LONP2: variants seen among roughly 807,000 people sequenced by gnomAD.
LONP2 encodes the protein lon protease homolog 2, peroxisomal.
Under a neutral mutation model 85.6 loss-of-function variants are expected in LONP2, and 60 were observed. The observed-to-expected ratio is 0.70, with a 90% CI of 0.57 to 0.87. The LOEUF (loss-of-function observed/expected upper bound fraction) is 0.87. Among genes scored for constraint, LONP2 ranks in the 40% least tolerant of loss-of-function variants. The pLI is 0.00. For synonymous variants in LONP2, 395 were observed against 389.7 expected (o/e 1.01, Z -0.16); for missense variants, 860 against 1,063.5 (o/e 0.81, Z 2.66).
chr16:48,248,796 T>G (rs1971540505), intron 1 of LONP2, among the ~76,000 whole-genome samples: 1 of 151,030 alleles, frequency 6.6e-6, no homozygotes. Flanking sequence ...GGCGGAGGAT[T>G]ACTTGAGCCC....
chr16:48,306,378 A>G lies in LONP2; in HGVS notation c.1795+3073A>G, dbSNP rs1048634354. 9.8e-5 allele frequency among the ~76,000 whole-genome samples: 15 copies of G among 152,338 alleles called. 1 individual carries two copies. Among genetic ancestry groups the G allele is most frequent in the Admixed American group, 4.6e-4 (7 of 15,308 alleles). The stretch of plus-strand genomic sequence containing the variant: ...TACTAGTTATTTTAAAATAACCCAC[A>G]AATACTCAAGGAATTGTTCAGTTTG... On this transcript the variant is annotated intron_variant, in intron 11 of 14. Coordinates refer to ENST00000285737, the MANE Select transcript of LONP2 (RefSeq NM_031490.5).
chr16:48,334,538 T>C, intron 12 of LONP2, 180 bp downstream of exon 12: 1 of 752,942 alleles, frequency 1.3e-6, no homozygotes, highest in Non-Finnish European at 2.3e-6. Context: ...GTTGACTGCA[T>C]GGGGGCGCAG....
chr16:48,270,089 A>G lies in LONP2; in HGVS notation c.1056A>G (p.Arg352=), dbSNP rs1402619069. The change falls in exon 7 of 15, where the codon AGA becomes AGG. Residue 352 remains arginine (R), a synonymous_variant. Transcript: ENST00000285737. ...DHYAMEKLKK[R]VLEYLAVRQL... is the part of the protein sequence containing the mutation. ...ACGCCATGGAAAAATTGAAGAAAAG[A>G]GTACTGGAATACTTGGCTGTCAGAC... 35 of 1,614,084 alleles carry G rather than the reference A, an allele frequency of 2.2e-5. No homozygotes were observed. Among genetic ancestry groups the G allele is most frequent in the Non-Finnish European group, 2.9e-5 (34 of 1,179,968 alleles).
In LONP2 at chr16:48,353,496, CAAAAAAAAAAAA is replaced by C. The variant is rs11331502; in HGVS notation, c.*1704_*1715del. 1.5e-5 allele frequency: 1 copy of C among 67,122 alleles called. No individual in the cohort carries two copies. The highest frequency in any genetic ancestry group is 3.1e-5 in the Non-Finnish European group (1 of 32,580). The allele number at this position is 67,122 out of a possible 1,614,324, so 4.2% of individuals were successfully genotyped here. ...TGGGCGACAGAGTGAGACCCTGTCT[CAAAAAAAAAAAA>C]AAAAAAAAAGATTGGGCCAAAATAC... is the stretch of plus-strand genomic sequence containing the variant. On this transcript the variant is annotated 3_prime_UTR_variant, in exon 15 of 15. Coordinates refer to ENST00000285737, the MANE Select transcript of LONP2 (RefSeq NM_031490.5).
downstream of LONP2, chr16:48,360,782 A>G (rs1960552334): frequency 6.6e-6 from 1 of 152,466 alleles, no homozygotes; most frequent in Non-Finnish European, 1.5e-5. Flanking sequence ...AACCTTTCAA[A>G]GATTAAGCTC....
chr16:48,270,614 ACT>A (rs1162854162), intron 7 of LONP2, among the ~76,000 whole-genome samples: 1 of 152,192 alleles, frequency 6.6e-6, no homozygotes, highest in African/African-American at 2.4e-5. Context: ...ATGATCCCTA[ACT>A]CTCAGAGTTA....
intron 9 of LONP2, among the ~76,000 whole-genome samples, chr16:48,298,511 C>T (rs1045759220): frequency 4.6e-5 from 7 of 151,336 alleles, no homozygotes; most frequent in African/African-American, 1.5e-4. Flanking sequence ...AGGAAAAAAC[C>T]TTTTATATGG....
At chr16:48,284,035 T>TA (rs753130723) in intron 8 of LONP2, among the ~76,000 whole-genome samples, 73 of 152,206 alleles carry the variant, frequency 4.8e-4, no homozygotes, top group Non-Finnish European at 9.4e-4. Context: ...TGGAGGAAGT[T>TA]ACCGCAGTTG....
At chr16:48,341,823 C>T (rs558811808) in intron 12 of LONP2, among the ~76,000 whole-genome samples, 2 of 152,284 alleles carry the variant, frequency 1.3e-5, no homozygotes, top group South Asian at 4.1e-4. Flanking sequence ...CAGGTGTCCC[C>T]AGGAAGCCTA....
At chr16:48,273,138 G>A (rs558424921) in intron 7 of LONP2, among the ~76,000 whole-genome samples, 28 of 152,214 alleles carry the variant, frequency 1.8e-4, no homozygotes, top group East Asian at 1.4e-3. Context: ...CCACTGTTCC[G>A]CAGCCTTAGA....
At chr16:48,263,325 C>T (rs1971917451) in intron 6 of LONP2, among the ~76,000 whole-genome samples, 1 of 152,148 alleles carries the variant, frequency 6.6e-6, no homozygotes, top group Non-Finnish European at 1.5e-5. Context: ...AACTTTGTTC[C>T]CTTTAACCAT....
chr16:48,350,038 G>C (rs1286202474), intron 14 of LONP2, among the ~76,000 whole-genome samples: 2 of 152,148 alleles, frequency 1.3e-5, no homozygotes, highest in Non-Finnish European at 2.9e-5. Context: ...GATAGCTCAA[G>C]TCCAGGAGTT....
Position 48,258,615 on chromosome 16 carries a change from T to C in LONP2, c.601-3T>C. ...TCCTATTGATTGACTCACATTTCCT[T>C]AGATTTTAGATGCTGTGAGCCTAGA... is the stretch of plus-strand genomic sequence containing the variant. On this transcript the variant is annotated splice_region_variant and splice_polypyrimidine_tract_variant and intron_variant, in intron 3 of 14. Coordinates refer to ENST00000285737, the MANE Select transcript of LONP2 (RefSeq NM_031490.5). 6.3e-7 allele frequency: 1 copy of C among 1,589,890 alleles called. No homozygotes were observed. The highest frequency in any genetic ancestry group is 8.5e-7 in the Non-Finnish European group (1 of 1,171,534).
At chr16:48,344,562 A>C (rs1421459137) in intron 12 of LONP2, 1 of 152,136 alleles carries the variant, frequency 6.6e-6, no homozygotes, top group Non-Finnish European at 1.5e-5. Flanking sequence ...AAGTACCAAG[A>C]CTCCAGCAAA....
At chr16:48,321,892 T>C (rs1025729556) in intron 11 of LONP2, among the ~76,000 whole-genome samples, 3 of 152,164 alleles carry the variant, frequency 2.0e-5, no homozygotes, top group Admixed American at 6.5e-5. Context: ...GTGTATATAC[T>C]ACTATAGACT....
chr16:48,262,858 A>C lies in LONP2; in HGVS notation c.968A>C (p.Asn323Thr). ...YLELMVELPWNKSTTDRLDIR... is the reference protein window; with the variant it reads ...YLELMVELPWTKSTTDRLDIR... ...GAACTTATGGTAGAACTTCCTTGGA[A>C]CAAAAGTACAACTGGTAAGCCAAAA... The change falls in exon 6 of 15, where the codon AAC becomes ACC. Residue 323 changes from asparagine (N) to threonine (T), a missense_variant. This residue lies in a region of LONP2 where 743 missense variants were observed against 917.3 expected (regional missense o/e 0.81). Transcript: ENST00000285737. 2 of 1,607,974 alleles carry C rather than the reference A, an allele frequency of 1.2e-6. No individual in the cohort carries two copies. Among genetic ancestry groups the C allele is most frequent in the Non-Finnish European group, 1.7e-6 (2 of 1,175,956 alleles).
intron 9 of LONP2, among the ~76,000 whole-genome samples, chr16:48,296,671 G>C (rs983355910): frequency 6.7e-6 from 1 of 148,404 alleles, no homozygotes; most frequent in African/African-American, 2.5e-5. Flanking sequence ...AGGTTGCAGT[G>C]AGCCTCACGC....
intron 6 of LONP2, among the ~76,000 whole-genome samples, chr16:48,266,024 C>G (rs1326577582): frequency 6.6e-6 from 1 of 151,734 alleles, no homozygotes; most frequent in East Asian, 1.9e-4. Flanking sequence ...ATTTTTTTGA[C>G]AGGAGTTTCA....
chr16:48,278,432 G>T (rs1972260645), intron 8 of LONP2, among the ~76,000 whole-genome samples: 1 of 151,852 alleles, frequency 6.6e-6, no homozygotes, highest in Non-Finnish European at 1.5e-5. Context: ...TCATTTTTGT[G>T]GTGTTAACTC....
Sources: allele counts gnomAD v4.1 joint callset (sites outside exome capture counted in the v4.1 genomes callset), GRCh38; gene constraint gnomAD v4.1.1; regional missense constraint gnomAD v4.1.1; transcripts MANE v1.5; gene names NCBI Gene and HGNC (gene_info 2026-07-23, HGNC 2026-07-21).